The following PC variants were observed in gnomAD, a reference collection of about 807,000 sequenced individuals.
The protein encoded by PC is pyruvate carboxylase, mitochondrial.
Under a neutral mutation model 107.8 loss-of-function variants are expected in PC, and 46 were observed. The observed-to-expected ratio is 0.43, with a 90% confidence interval of 0.34 to 0.55. The LOEUF is 0.55. Ranked by LOEUF, PC falls within the 20% of genes least tolerant of loss-of-function variation. PC has a pLI of 0.04. For missense variants in PC, 1,241 were observed against 1,643.1 expected (o/e 0.76, Z 4.23); for synonymous variants, 662 against 684.7 (o/e 0.97, Z 0.52).
Position 66,857,991 on chromosome 11 carries a change from G to C in PC, c.1369-4608C>G, listed in dbSNP as rs1282366082. The C allele has an allele frequency of 6.2e-7, 1 of 1,612,324 alleles. No individual in the cohort carries two copies. The highest frequency in any genetic ancestry group is 8.5e-7 in the Non-Finnish European group (1 of 1,179,942). On this transcript the variant is annotated intron_variant, in intron 12 of 22. Transcript: ENST00000393960. This position sits in a 1 kb window ranked among gnomAD's most constrained non-coding sequence, Gnocchi z 7.1. Reference sequence around the variant, plus strand: ...GGTGGACCTGACACTGTCTCGCAATGCCATCACCCGCATTGGGGCCCGCGC... The same window carrying C: ...GGTGGACCTGACACTGTCTCGCAATCCCATCACCCGCATTGGGGCCCGCGC...
At position 66,858,787 on chromosome 11, in the gene PC, G is replaced by T; in HGVS notation, c.1368+4987C>A. On this transcript the variant is annotated intron_variant, in intron 12 of 22. Transcript: ENST00000393960. This position sits in a 1 kb window ranked among gnomAD's most constrained non-coding sequence, Gnocchi z 5.9. ...GTGACCGGCGCTGGGGACGCTGGGG[G>T]CTACACCTGCATCGCCACCAACCCT... 6.5e-7 allele frequency: 1 copy of T among 1,549,896 alleles called. No individual in the cohort carries two copies.
chr11:66,854,819 C>A (rs1042811823), intron 12 of PC, among the ~76,000 whole-genome samples: 1 of 152,232 alleles, frequency 6.6e-6, no homozygotes, highest in African/African-American at 2.4e-5. Context: ...CAGAGTGGGA[C>A]CCCGCCAGCA....
At chr11:66,957,344 A>C (rs1949587567) in intron 1 of PC, among the ~76,000 whole-genome samples, 1 of 152,248 alleles carries the variant, frequency 6.6e-6, no homozygotes, top group Non-Finnish European at 1.5e-5. Context: ...TTAGAATTTC[A>C]GACGAGGCAC....
intron 3 of PC, among the ~76,000 whole-genome samples, chr11:66,909,556 C>G (rs1177639900): frequency 1.3e-5 from 2 of 152,202 alleles, no homozygotes; most frequent in African/African-American, 4.8e-5. Flanking sequence ...ATCACCACCA[C>G]GTGTCCTATT....
intron 3 of PC, among the ~76,000 whole-genome samples, chr11:66,909,162 C>T (rs1948258068): frequency 6.6e-6 from 1 of 152,224 alleles, no homozygotes; most frequent in Non-Finnish European, 1.5e-5. Flanking sequence ...CAGACAGGCA[C>T]CGGGTGCCTC....
chr11:66,859,123 A>G (rs746810569), intron 12 of PC: 2 of 1,469,136 alleles, frequency 1.4e-6, no homozygotes, highest in South Asian at 1.5e-5. Context: ...ACCCGGCTGC[A>G]CTCCCGGCGC....
rs768771408 is a variant in PC at position 66,850,889 on chromosome 11, G to T, written c.2258C>A (p.Thr753Asn). ...MAGLLKPTACTMLVSSLRDRF... is the reference protein window; with the variant it reads ...MAGLLKPTACNMLVSSLRDRF... ...GTCCCGGAGGGAGCTGACCAGCATGGTGCAGGCCGTGGGCTTCAGCAGCCC... is the reference window on the plus strand; with the variant it reads ...GTCCCGGAGGGAGCTGACCAGCATGTTGCAGGCCGTGGGCTTCAGCAGCCC... The change falls in exon 18 of 23, where the codon ACC (threonine) becomes AAC (asparagine). Residue 753 changes from threonine (T) to asparagine (N), a missense_variant. Physicochemically the swap from Thr to Asn is moderately conservative, Grantham distance 65. Coordinates refer to ENST00000393960, the MANE Select transcript of PC (RefSeq NM_001040716.2). 2 of 1,610,636 alleles carry T rather than the reference G, an allele frequency of 1.2e-6. No homozygotes were observed. The highest frequency in any genetic ancestry group is 1.1e-5 in the South Asian group (1 of 91,086).
rs534862213 is a variant in PC, at chr11:66,900,792, T to C, written c.1-28633A>G. Among the ~76,000 whole-genome samples, 19 of 152,350 alleles carry C rather than the reference T, an allele frequency of 1.2e-4. No homozygotes were observed. The South Asian group carries it at 3.9e-3, about 32-fold the overall frequency. On this transcript the variant is annotated intron_variant, in intron 3 of 22. Coordinates refer to ENST00000393960, the MANE Select transcript of PC (RefSeq NM_001040716.2). ...GGAATTGTTTTCTTCATTTTCAATT[T>C]GCCCACTGCTACTGAAATACAATTG...
At chr11:66,918,352 G>A (rs1296845736) in intron 3 of PC, among the ~76,000 whole-genome samples, 2 of 151,608 alleles carry the variant, frequency 1.3e-5, no homozygotes, top group African/African-American at 2.4e-5. Context: ...CTGGGCAACA[G>A]AGTGAGACCT....
At chr11:66,936,840 T>C (rs1237129574) in intron 3 of PC, among the ~76,000 whole-genome samples, 1 of 148,944 alleles carries the variant, frequency 6.7e-6, no homozygotes, top group Non-Finnish European at 1.5e-5. Context: ...ATAGGTCTTC[T>C]TTTTTTTTTA....
chr11:66,892,970 A>C (rs1168069273), intron 3 of PC, among the ~76,000 whole-genome samples: 2 of 152,262 alleles, frequency 1.3e-5, no homozygotes, highest in South Asian at 4.1e-4. Flanking sequence ...GAAGAATTAG[A>C]AGGCCACAGA....
intron 3 of PC, among the ~76,000 whole-genome samples, chr11:66,950,965 G>A (rs1048254738): frequency 3.3e-5 from 5 of 152,016 alleles, no homozygotes; most frequent in African/African-American, 1.2e-4. Flanking sequence ...TGAAACTCGT[G>A]GAGGGTGGAG....
Position 66,858,141 on chromosome 11 carries a change from G to C in PC, c.1369-4758C>G. On this transcript the variant is annotated intron_variant, in intron 12 of 22. Coordinates refer to ENST00000393960, the MANE Select transcript of PC (RefSeq NM_001040716.2). The surrounding 1 kb of genome is among the most constrained non-coding windows in gnomAD (Gnocchi z 5.9). The stretch of plus-strand genomic sequence containing the variant: ...CCTCATCCTCAGCGGCAACCAGCTG[G>C]GCCGCATCGCGCCGGGAGCCTTCGA... The C allele has an allele frequency of 6.2e-7, 1 of 1,610,592 alleles. No individual in the cohort carries two copies. Among genetic ancestry groups the C allele is most frequent in the Non-Finnish European group, 8.5e-7 (1 of 1,178,786 alleles).
chr11:66,880,700 C>A (rs1947155483), intron 3 of PC, among the ~76,000 whole-genome samples: 1 of 152,248 alleles, frequency 6.6e-6, no homozygotes, highest in Non-Finnish European at 1.5e-5. Flanking sequence ...ATCTTCACAG[C>A]ACGGCACAGA....
At position 66,851,801 on chromosome 11, in the gene PC, G is replaced by A. The variant is rs776137762; in HGVS notation, c.1971C>T (p.Asn657=). The stretch of plus-strand genomic sequence containing the variant: ...CACCCCAGGCTCACTTGAAGACCAC[G>A]TTGTCTGGGTAGTTGGTGTAGCCCA... ...NAVGYTNYPD[N]VVFKFCEVAK... Residue 657 remains asparagine, a synonymous_variant, in exon 16 of 23, where the codon AAC becomes AAT. Coordinates refer to ENST00000393960, the MANE Select transcript of PC (RefSeq NM_001040716.2). The A allele has an allele frequency of 7.4e-6, 12 of 1,614,022 alleles. No individual in the cohort carries two copies. The highest frequency in any genetic ancestry group is 5.3e-5 in the African/African-American group (4 of 74,918).
intron 3 of PC, among the ~76,000 whole-genome samples, chr11:66,946,092 C>CAA (rs757767116): frequency 2.4e-3 from 155 of 64,940 alleles, no homozygotes; most frequent in East Asian, 4.0e-3. Context: ...GACTCCGTCT[C>CAA]AAAAAAAAAA....
intron 3 of PC, among the ~76,000 whole-genome samples, chr11:66,878,732 T>C (rs758147130): frequency 6.6e-6 from 1 of 152,232 alleles, no homozygotes; most frequent in Non-Finnish European, 1.5e-5. Flanking sequence ...CCAAGAGGAC[T>C]GTCCCCGGGG....
At chr11:66,942,688 A>C (rs1484643128) in intron 3 of PC, among the ~76,000 whole-genome samples, 2 of 152,052 alleles carry the variant, frequency 1.3e-5, no homozygotes, top group Non-Finnish European at 2.9e-5. Flanking sequence ...AAATATACTT[A>C]ATACCACTGA....
In PC at chr11:66,849,746, C is replaced by T. The variant is rs112030121; in HGVS notation, c.3012G>A (p.Pro1004=). 2.1e-5 allele frequency: 34 copies of T among 1,614,202 alleles called. No homozygotes were observed. Among genetic ancestry groups the T allele is most frequent in the African/African-American group, 5.3e-5 (4 of 75,044 alleles). Residue 1004 remains proline, a synonymous_variant, in exon 21 of 23, where the codon CCG becomes CCA. Coordinates refer to ENST00000393960, the MANE Select transcript of PC (RefSeq NM_001040716.2). ...LVDRHGEEVT[P]EDVLSAAMYP... The stretch of plus-strand genomic sequence containing the variant: ...ACATAGCTGCTGAGAGCACATCTTC[C>T]GGCGTCACCTCCTCCCCATGCCGGT...
Sources: allele counts gnomAD v4.1 joint callset (sites outside exome capture counted in the v4.1 genomes callset), GRCh38; gene constraint gnomAD v4.1.1; non-coding constraint Gnocchi (gnomAD v3.1); transcripts MANE v1.5; gene names NCBI Gene and HGNC (gene_info 2026-07-23, HGNC 2026-07-21).